RAVER2: variants seen among roughly 807,000 people sequenced by gnomAD.
RAVER2 encodes the protein ribonucleoprotein PTB-binding 2.
RAVER2 carries 46 observed loss-of-function variants against 78.1 expected under a neutral mutation model. That is an observed-to-expected ratio of 0.59 (90% CI 0.46 to 0.75). RAVER2 has a LOEUF of 0.75. Among genes scored for constraint, RAVER2 ranks in the 30% least tolerant of loss-of-function variants. The pLI is 0.00. For synonymous variants in RAVER2, 311 were observed against 313.3 expected (o/e 0.99, Z 0.08); for missense variants, 793 against 837.5 (o/e 0.95, Z 0.66).
At chr1:64,832,493 T>C (rs546963070) in exon 12 of RAVER2, 2 of 152,616 alleles carry the variant, frequency 1.3e-5, no homozygotes, top group African/African-American at 4.8e-5. Context: ...CTGTAATTAA[T>C]TGATAGGGAA....
intron 3 of RAVER2, among the ~76,000 whole-genome samples, chr1:64,779,098 A>G (rs1442149660): frequency 1.3e-5 from 2 of 151,598 alleles, no homozygotes; most frequent in Non-Finnish European, 2.9e-5. Context: ...GCTATTTAAC[A>G]TATGTATTAC....
intron 1 of RAVER2, among the ~76,000 whole-genome samples, chr1:64,747,669 T>C (rs916928445): frequency 1.3e-5 from 2 of 152,046 alleles, no homozygotes; most frequent in African/African-American, 2.4e-5. Context: ...CCTGCCACCA[T>C]GCCTGGCTAA....
At chr1:64,758,500 G>T (rs182574106) in intron 1 of RAVER2, among the ~76,000 whole-genome samples, 1 of 152,170 alleles carries the variant, frequency 6.6e-6, no homozygotes, top group South Asian at 2.1e-4. Context: ...CAAGAAAGAC[G>T]TGATTCGCTG....
chr1:64,830,895 A>C lies in RAVER2; in HGVS notation c.1986A>C (p.Glu662Asp), dbSNP rs778581483. 5.6e-6 allele frequency: 9 copies of C among 1,613,162 alleles called. No individual in the cohort carries two copies. The East Asian group carries it at 2.0e-4, about 36-fold the overall frequency. The change falls in exon 12 of 12, where the codon GAA becomes GAC. Residue 662 changes from glutamate to aspartate, a missense_variant. By Grantham distance (45) the Glu-to-Asp change is conservative. Coordinates refer to ENST00000294428, the Ensembl canonical transcript of RAVER2. Reference sequence around the variant, plus strand: ...CATCATATCTCATCTCTGCCCCAGAAGGTGGTTCAGTGGAATGTGTTGACC... The same window carrying C: ...CATCATATCTCATCTCTGCCCCAGACGGTGGTTCAGTGGAATGTGTTGACC...
At chr1:64,759,429 C>T (rs1397801671) in intron 1 of RAVER2, among the ~76,000 whole-genome samples, 1 of 151,094 alleles carries the variant, frequency 6.6e-6, no homozygotes, top group African/African-American at 2.4e-5. Flanking sequence ...CCGTGTTAGC[C>T]AGAATGGTTT....
At chr1:64,776,163 T>C (rs1332018858) in intron 2 of RAVER2, among the ~76,000 whole-genome samples, 1 of 152,156 alleles carries the variant, frequency 6.6e-6, no homozygotes, top group Non-Finnish European at 1.5e-5. Context: ...TGTTGTTGGC[T>C]CGTTTGTTTT....
rs547474639 is a variant in RAVER2, at chr1:64,763,510, G to T, written c.250-5146G>T. On this transcript the variant is annotated intron_variant, in intron 1 of 11. Transcript: ENST00000294428. The stretch of plus-strand genomic sequence containing the variant: ...AAAATTAAAAGACAGGCAAGACCAG[G>T]TGTTGGCTAGAAAGTAGAGCAATTG... Among the ~76,000 whole-genome samples the T allele has an allele frequency of 3.3e-5, 5 of 152,238 alleles. No individual in the cohort carries two copies. In the East Asian group the frequency reaches 7.7e-4, roughly 24 times the overall value.
intron 5 of RAVER2, among the ~76,000 whole-genome samples, chr1:64,791,137 T>TG (rs1265623971): frequency 6.6e-6 from 1 of 152,234 alleles, no homozygotes; most frequent in Non-Finnish European, 1.5e-5. Flanking sequence ...GGAAAAGTCT[T>TG]GGAGGGTCTT....
chr1:64,821,720 G>A (rs1378169080), intron 11 of RAVER2, among the ~76,000 whole-genome samples: 1 of 152,166 alleles, frequency 6.6e-6, no homozygotes, highest in East Asian at 1.9e-4. Context: ...GCCATATGCA[G>A]AAGATTAAAG....
At chr1:64,783,199 A>G (rs992880314) in intron 4 of RAVER2, among the ~76,000 whole-genome samples, 29 of 152,206 alleles carry the variant, frequency 1.9e-4, no homozygotes, top group African/African-American at 6.8e-4. Context: ...ATATGTGTGC[A>G]TGTGTCTTTA....
Position 64,745,784 on chromosome 1 carries a change from G to C in RAVER2, c.249+363G>C, listed in dbSNP as rs188737108. Among the ~76,000 whole-genome samples the C allele has an allele frequency of 3.5e-4, 53 of 151,992 alleles. No homozygotes were observed. Among genetic ancestry groups the C allele is most frequent in the African/African-American group, 1.2e-3 (48 of 41,452 alleles). ...GAGCACACATTTTGCGGGGGGGAGC[G>C]GGGGTAGAGGGGGCCGAAGCTTCGG... is the stretch of plus-strand genomic sequence containing the variant. On this transcript the variant is annotated intron_variant, in intron 1 of 11. Transcript: ENST00000294428. This position sits in a 1 kb window ranked among gnomAD's most constrained non-coding sequence, Gnocchi z 4.3.
At chr1:64,816,294 T>A (rs1208799458) in intron 11 of RAVER2, 1 of 152,246 alleles carries the variant, frequency 6.6e-6, no homozygotes, top group Non-Finnish European at 1.5e-5. Context: ...CTGTATGTCT[T>A]CTGCCTCCAC....
At chr1:64,750,116 A>G (rs1368558897) in intron 1 of RAVER2, among the ~76,000 whole-genome samples, 3 of 152,198 alleles carry the variant, frequency 2.0e-5, no homozygotes, top group Admixed American at 6.5e-5. Flanking sequence ...TTATAAACTT[A>G]CATTTCAAAG....
intron 4 of RAVER2, among the ~76,000 whole-genome samples, chr1:64,786,968 G>T (rs1378019782): frequency 6.6e-6 from 1 of 152,138 alleles, no homozygotes; most frequent in Non-Finnish European, 1.5e-5. Context: ...AGGATTAAAT[G>T]ATCTGATTCA....
At chr1:64,785,114 G>A (rs1169206067) in intron 4 of RAVER2, among the ~76,000 whole-genome samples, 4 of 152,154 alleles carry the variant, frequency 2.6e-5, no homozygotes, top group South Asian at 4.1e-4. Context: ...TTTACAGTCA[G>A]ATAGTAGTGA....
intron 1 of RAVER2, among the ~76,000 whole-genome samples, chr1:64,764,963 A>G (rs1435291997): frequency 6.6e-6 from 1 of 152,182 alleles, no homozygotes; most frequent in Non-Finnish European, 1.5e-5. Flanking sequence ...GTGTTTGATT[A>G]AATAACTGGA....
chr1:64,748,213 C>T (rs1435459216), intron 1 of RAVER2, among the ~76,000 whole-genome samples: 1 of 152,228 alleles, frequency 6.6e-6, no homozygotes, highest in Non-Finnish European at 1.5e-5. Flanking sequence ...ACTGTGCATT[C>T]AGTCAAGCCC....
chr1:64,755,011 C>T (rs1326107658), intron 1 of RAVER2, among the ~76,000 whole-genome samples: 2 of 152,100 alleles, frequency 1.3e-5, no homozygotes, highest in Admixed American at 6.5e-5. Flanking sequence ...ACTCAGCAGC[C>T]CACAACTGAC....
At chr1:64,829,145 A>T (rs1001241954) in intron 11 of RAVER2, among the ~76,000 whole-genome samples, 1 of 152,234 alleles carries the variant, frequency 6.6e-6, no homozygotes. Context: ...TAAATTTCCT[A>T]TCTGGCTTCT....
Sources: gnomAD v4.1 joint callset for allele counts (sites outside exome capture counted in the v4.1 genomes callset) on GRCh38, gnomAD v4.1.1 for gene constraint, Gnocchi (gnomAD v3.1) non-coding constraint, MANE v1.5 for transcripts, NCBI Gene and HGNC (gene_info 2026-07-23, HGNC 2026-07-21) for gene names.